NCOA1: variants seen among roughly 807,000 people sequenced by gnomAD.
The protein encoded by NCOA1 is Hin-2 protein.
A neutral mutation model predicts 150.9 loss-of-function variants in NCOA1; 35 were observed. That is an observed-to-expected ratio of 0.23 (90% CI 0.18 to 0.31). The LOEUF (loss-of-function observed/expected upper bound fraction) is 0.31, where lower values mean the gene tolerates loss of function less well. Among genes scored for constraint, NCOA1 ranks in the 10% least tolerant of loss-of-function variants. NCOA1 has a pLI of 1.00. For synonymous variants in NCOA1, 590 were observed against 630.0 expected, an observed-to-expected ratio of 0.94 and a Z score of 0.95; for missense variants, 1,491 against 1,749.3, an observed-to-expected ratio of 0.85 and a Z score of 2.63.
intron 14 of NCOA1, among the ~76,000 whole-genome samples, chr2:24,720,751 A>G (rs1674322874): frequency 6.6e-6 from 1 of 152,264 alleles, no homozygotes; most frequent in African/African-American, 2.4e-5. Flanking sequence ...ATGATAGCGT[A>G]TAAAGAGAAG....
At chr2:24,680,514 CT>C (rs1318160607) in intron 7 of NCOA1, among the ~76,000 whole-genome samples, 2 of 152,184 alleles carry the variant, frequency 1.3e-5, no homozygotes, top group East Asian at 3.9e-4. Flanking sequence ...TATGTGGGAT[CT>C]AAAAAAGTCA....
At chr2:24,625,314 C>G (rs571152761) in intron 3 of NCOA1, among the ~76,000 whole-genome samples, 3 of 145,412 alleles carry the variant, frequency 2.1e-5, no homozygotes, top group Admixed American at 7.0e-5. Context: ...AGCAGTGAGC[C>G]GAGATTGCAC....
At chr2:24,673,234 T>C in intron 6 of NCOA1, 132 bp from the exon 7 acceptor site, 1 of 516,230 alleles carries the variant, frequency 1.9e-6, no homozygotes, top group Non-Finnish European at 3.4e-6. Context: ...TTAAGATTAG[T>C]GTGAAAGTGC....
At chr2:24,594,681 T>A (rs966731353) in intron 3 of NCOA1, among the ~76,000 whole-genome samples, 2 of 152,152 alleles carry the variant, frequency 1.3e-5, no homozygotes, top group Non-Finnish European at 2.9e-5. Flanking sequence ...AATTGTTACT[T>A]CTTTCCTTCT....
chr2:24,741,610 C>A (rs1424486853), intron 18 of NCOA1, among the ~76,000 whole-genome samples, 174 bp from the exon 19 acceptor site: 1 of 152,032 alleles, frequency 6.6e-6, no homozygotes, highest in Non-Finnish European at 1.5e-5. Flanking sequence ...CATTTTTTCT[C>A]CTGTGATTGT....
chr2:24,753,994 A>G (rs56395520), intron 20 of NCOA1, among the ~76,000 whole-genome samples: 1 of 152,290 alleles, frequency 6.6e-6, no homozygotes, highest in African/African-American at 2.4e-5. Flanking sequence ...ACTTTTTCCC[A>G]TTTCAGTAAA....
chr2:24,770,326 CCTGA>C lies in NCOA1; in HGVS notation c.*1938_*1941del, dbSNP rs1572705608. ...AACTTCAGCATTCCAGATGAAGTTTCCTGACTCAGTGCTTTTGCATAAGGAACTA... is the reference window on the plus strand; with the variant it reads ...AACTTCAGCATTCCAGATGAAGTTTCCTCAGTGCTTTTGCATAAGGAACTA... On this transcript the variant is annotated 3_prime_UTR_variant, in exon 23 of 23. Coordinates refer to ENST00000348332, the MANE Select transcript of NCOA1 (RefSeq NM_003743.5). 3.0e-4 allele frequency: 70 copies of C among 230,178 alleles called. No homozygotes were observed. In the East Asian group the frequency reaches 4.4e-3, roughly 14 times the overall value. The allele number at this position is 230,178 out of a possible 1,614,324, so 14.3% of individuals were successfully genotyped here.
chr2:24,701,331 T>C (rs988078650), intron 11 of NCOA1, among the ~76,000 whole-genome samples: 2 of 151,672 alleles, frequency 1.3e-5, no homozygotes, highest in African/African-American at 2.4e-5. Context: ...TGGCGAAACC[T>C]CATCTCTACA....
intron 4 of NCOA1, among the ~76,000 whole-genome samples, chr2:24,648,499 C>T (rs993788198): frequency 1.3e-5 from 2 of 152,152 alleles, no homozygotes; most frequent in Non-Finnish European, 2.9e-5. Flanking sequence ...TCTCGAACTC[C>T]TGACCTCATG....
intron 1 of NCOA1, among the ~76,000 whole-genome samples, chr2:24,520,447 G>A (rs2148133400): frequency 6.6e-6 from 1 of 152,224 alleles, no homozygotes; most frequent in East Asian, 1.9e-4. Flanking sequence ...CCAACAACTT[G>A]AATGAATATC....
At chr2:24,633,866 A>G (rs1007922223) in intron 3 of NCOA1, among the ~76,000 whole-genome samples, 2 of 152,242 alleles carry the variant, frequency 1.3e-5, no homozygotes, top group Admixed American at 6.5e-5. Context: ...CTACTTATGC[A>G]TATGAAGATC....
chr2:24,673,298 C>A, intron 6 of NCOA1, 68 bp from the exon 7 acceptor site: 1 of 1,125,212 alleles, frequency 8.9e-7, no homozygotes, highest in Non-Finnish European at 1.2e-6. Flanking sequence ...TCTATGTCTT[C>A]GTAAACTTGA....
chr2:24,691,707 T>G (rs748359684), intron 9 of NCOA1, 47 bp downstream of exon 9: 2 of 1,571,524 alleles, frequency 1.3e-6, no homozygotes, highest in Non-Finnish European at 1.7e-6. Flanking sequence ...TCTGTGACTT[T>G]AAGGAAAAGA....
intron 8 of NCOA1, 99 bp downstream of exon 8, chr2:24,683,227 A>G (rs760268283): frequency 7.6e-5 from 51 of 668,776 alleles, no homozygotes; most frequent in Non-Finnish European, 1.1e-4. Context: ...AATACACAGT[A>G]TTATATATGT....
intron 1 of NCOA1, among the ~76,000 whole-genome samples, chr2:24,516,955 A>ATATACGT (rs1558758490): frequency 1.2e-3 from 84 of 70,022 alleles, no homozygotes; most frequent in African/African-American, 3.6e-3. Flanking sequence ...TATATATACA[A>ATATACGT]GTATATATAC....
chr2:24,578,030 G>T (rs1331505614), intron 2 of NCOA1, among the ~76,000 whole-genome samples: 1 of 152,006 alleles, frequency 6.6e-6, no homozygotes, highest in Non-Finnish European at 1.5e-5. Context: ...TTTACACATG[G>T]GTAGGCAGTG....
At chr2:24,738,315 A>C (rs77850064) in intron 17 of NCOA1, among the ~76,000 whole-genome samples, 267 of 151,780 alleles carry the variant, frequency 1.8e-3, no homozygotes, top group East Asian at 0.017. Flanking sequence ...TGTTTTACAA[A>C]GTATATAAAC....
intron 20 of NCOA1, among the ~76,000 whole-genome samples, chr2:24,755,595 G>A (rs1198776364): frequency 6.6e-6 from 1 of 152,216 alleles, no homozygotes; most frequent in Non-Finnish European, 1.5e-5. Flanking sequence ...GTGAGGAAGA[G>A]GGCCTGTGAA....
intron 17 of NCOA1, among the ~76,000 whole-genome samples, chr2:24,732,659 T>C (rs972748011): frequency 1.3e-5 from 2 of 152,014 alleles, no homozygotes; most frequent in Non-Finnish European, 2.9e-5. Flanking sequence ...ATAAAGAAAA[T>C]ATTTTGACCC....
Sources: allele counts gnomAD v4.1 joint callset (sites outside exome capture counted in the v4.1 genomes callset), GRCh38; gene constraint gnomAD v4.1.1; transcripts MANE v1.5; gene names NCBI Gene and HGNC (gene_info 2026-07-23, HGNC 2026-07-21).